Variants in ADAMTS18 observed in about 807,000 individuals in gnomAD.
The protein encoded by ADAMTS18 is ADAM metallopeptidase with thrombospondin type 1 motif 18, also known as A disintegrin and metalloproteinase with thrombospondin motifs 18.
In ADAMTS18, 157 loss-of-function variants were observed where a neutral mutation model predicts 165.9. That is an observed-to-expected ratio of 0.95 (90% confidence interval 0.83 to 1.08). The LOEUF (loss-of-function observed/expected upper bound fraction) is 1.08, where lower values mean the gene tolerates loss of function less well. ADAMTS18 is among the 50% of genes least tolerant of loss of function. The pLI is 0.00. For synonymous variants in ADAMTS18, 782 were observed against 578.2 expected (o/e 1.35, Z -5.06); for missense variants, 2,040 against 1,534.0 (o/e 1.33, Z -5.51).
intron 11 of ADAMTS18, among the ~76,000 whole-genome samples, chr16:77,340,559 G>GCC (rs2056383139): frequency 1.3e-5 from 2 of 152,088 alleles, no homozygotes. Context: ...ATCTAGTAAT[G>GCC]AATAAATTAT....
At chr16:77,302,773 C>A (rs1387133125) in intron 16 of ADAMTS18, among the ~76,000 whole-genome samples, 1 of 152,124 alleles carries the variant, frequency 6.6e-6, no homozygotes, top group Non-Finnish European at 1.5e-5. Flanking sequence ...AAATATATTC[C>A]CCTTTCACCT....
chr16:77,375,595 G>A (rs749765667), intron 3 of ADAMTS18, among the ~76,000 whole-genome samples: 1 of 152,160 alleles, frequency 6.6e-6, no homozygotes, highest in Non-Finnish European at 1.5e-5. Flanking sequence ...CTAAGGAGCG[G>A]AAGGGGTGGT....
chr16:77,369,974 C>A (rs574198393), intron 3 of ADAMTS18, among the ~76,000 whole-genome samples: 133 of 152,212 alleles, frequency 8.7e-4, no homozygotes, highest in African/African-American at 3.1e-3. Flanking sequence ...ACAGAATCAA[C>A]AACGAAAAAC....
chr16:77,292,503 C>T (rs565413220), intron 20 of ADAMTS18, among the ~76,000 whole-genome samples: 16 of 152,182 alleles, frequency 1.1e-4, no homozygotes, highest in Admixed American at 3.9e-4. Flanking sequence ...TTTTTCAGGC[C>T]ATGCTCCCTA....
At chr16:77,342,841 G>A (rs1000858470) in intron 10 of ADAMTS18, among the ~76,000 whole-genome samples, 1 of 152,130 alleles carries the variant, frequency 6.6e-6, no homozygotes, top group Non-Finnish European at 1.5e-5. Flanking sequence ...AATTTTCCAG[G>A]TGGGCCTAAC....
intron 3 of ADAMTS18, among the ~76,000 whole-genome samples, chr16:77,396,452 A>G (rs2057258119): frequency 1.3e-5 from 2 of 152,364 alleles, no homozygotes; most frequent in Non-Finnish European, 2.9e-5. Flanking sequence ...CAGATACCAT[A>G]TGGGTTATGA....
In ADAMTS18 at chr16:77,434,808, G is replaced by A; in HGVS notation, c.-113C>T. On this transcript the variant is annotated 5_prime_UTR_variant, in exon 1 of 23. Transcript: ENST00000282849. Reference sequence around the variant, plus strand: ...CTCGGCGCCCCAGGTGCGGCTCCAGGTGAGAGCCGCCGCCGTTCACATCGC... The same window carrying A: ...CTCGGCGCCCCAGGTGCGGCTCCAGATGAGAGCCGCCGCCGTTCACATCGC... 1.1e-6 allele frequency: 1 copy of A among 889,862 alleles called. No individual in the cohort carries two copies. Among genetic ancestry groups the A allele is most frequent in the Non-Finnish European group, 1.5e-6 (1 of 664,260 alleles). The allele number at this position is 889,862 out of a possible 1,614,324, so 55.1% of individuals were successfully genotyped here.
intron 3 of ADAMTS18, among the ~76,000 whole-genome samples, chr16:77,396,669 C>T (rs548626799): frequency 6.6e-6 from 1 of 152,252 alleles, no homozygotes; most frequent in East Asian, 1.9e-4. Context: ...TCCAAGAAGG[C>T]ATGTAAGATA....
chr16:77,303,534 C>A (rs2055625274), intron 16 of ADAMTS18, among the ~76,000 whole-genome samples: 1 of 152,102 alleles, frequency 6.6e-6, no homozygotes, highest in Admixed American at 6.5e-5. Flanking sequence ...GTTACTTTAA[C>A]TTTTATCCTC....
intron 12 of ADAMTS18, among the ~76,000 whole-genome samples, chr16:77,331,934 G>C (rs1042895783): frequency 1.3e-5 from 2 of 152,146 alleles, no homozygotes; most frequent in Admixed American, 6.5e-5. Flanking sequence ...CTCAAATGAA[G>C]TACCATTCAT....
intron 10 of ADAMTS18, among the ~76,000 whole-genome samples, chr16:77,352,498 C>T (rs1265267380): frequency 1.3e-5 from 2 of 152,060 alleles, no homozygotes; most frequent in African/African-American, 2.4e-5. Flanking sequence ...AGGTCAAAAG[C>T]GGTAATAATT....
chr16:77,339,232 G>A (rs753297740), intron 11 of ADAMTS18, among the ~76,000 whole-genome samples: 12 of 151,712 alleles, frequency 7.9e-5, no homozygotes, highest in Admixed American at 4.6e-4. Context: ...TGAGGAAACC[G>A]TATATGAATG....
chr16:77,355,860 G>T, intron 9 of ADAMTS18, 80 bp downstream of exon 9: 1 of 1,529,496 alleles, frequency 6.5e-7, no homozygotes. Context: ...TTTCCACTGA[G>T]TATTCGTTTG....
At chr16:77,293,447 T>G (rs1277512690) in intron 19 of ADAMTS18, among the ~76,000 whole-genome samples, 189 bp from the exon 20 acceptor site, 1 of 151,902 alleles carries the variant, frequency 6.6e-6, no homozygotes, top group Non-Finnish European at 1.5e-5. Context: ...GCTAAAACAA[T>G]TATTTGAATT....
chr16:77,309,309 G>A (rs1274637060), intron 16 of ADAMTS18, among the ~76,000 whole-genome samples: 4 of 151,952 alleles, frequency 2.6e-5, no homozygotes, highest in South Asian at 2.1e-4. Context: ...ATATGTGTAC[G>A]TATTTCAAGA....
intron 11 of ADAMTS18, among the ~76,000 whole-genome samples, chr16:77,336,761 T>G (rs911096190): frequency 1.3e-5 from 2 of 152,182 alleles, no homozygotes; most frequent in Non-Finnish European, 2.9e-5. Flanking sequence ...CCTCTGGTAG[T>G]GTTTCTTTTG....
At chr16:77,311,292 G>T (rs16945498) in intron 16 of ADAMTS18, among the ~76,000 whole-genome samples, 7,488 of 152,142 alleles carry the variant, frequency 0.049, 496 homozygotes, top group African/African-American at 0.15. Flanking sequence ...ATTTTAGTAG[G>T]TTCCCACAGT....
chr16:77,342,314 T>C (rs2056410782), intron 10 of ADAMTS18, among the ~76,000 whole-genome samples: 3 of 152,204 alleles, frequency 2.0e-5, no homozygotes, highest in Admixed American at 2.0e-4. Context: ...AAAGTGATGG[T>C]TTTGCCTGGC....
At position 77,283,916 on chromosome 16, in the gene ADAMTS18, G is replaced by A; in HGVS notation, c.*40C>T. On this transcript the variant is annotated 3_prime_UTR_variant, in exon 23 of 23. Transcript: ENST00000282849. ...AGCTGGTCTCTCTAGAGGTTGAAAGGTAAGCCCCTGGCCCTAAGGTGCTGG... is the reference window on the plus strand; with the variant it reads ...AGCTGGTCTCTCTAGAGGTTGAAAGATAAGCCCCTGGCCCTAAGGTGCTGG... 1.3e-6 allele frequency: 2 copies of A among 1,504,128 alleles called. No homozygotes were observed. The highest frequency in any genetic ancestry group is 9.3e-7 in the Non-Finnish European group (1 of 1,080,538). 93.2% of individuals were successfully genotyped at this position (1,504,128 alleles called of 1,614,324 possible).
Sources: gnomAD v4.1 joint callset for allele counts (sites outside exome capture counted in the v4.1 genomes callset) on GRCh38, gnomAD v4.1.1 for gene constraint, MANE v1.5 for transcripts, NCBI Gene and HGNC (gene_info 2026-07-23, HGNC 2026-07-21) for gene names.